Variants in SYT16 observed in about 807,000 individuals in gnomAD.
SYT16 encodes synaptotagmin 16.
A neutral mutation model predicts 61.4 loss-of-function variants in SYT16; 42 were observed. The ratio of observed to expected loss-of-function variants is 0.68; its 90% CI spans 0.53 to 0.89. SYT16 has a LOEUF of 0.89. Among genes scored for constraint, SYT16 ranks in the 40% least tolerant of loss-of-function variants. The probability of loss-of-function intolerance (pLI) is 0.00; values close to 1 mark genes in which losing one functional copy is unlikely to be tolerated. For missense variants in SYT16, 804 were observed against 807.3 expected (o/e 1.00, Z 0.05); for synonymous variants, 314 against 302.3 (o/e 1.04, Z -0.40).
chr14:62,013,896 G>A (rs1426139125), intron 3 of SYT16, among the ~76,000 whole-genome samples: 2 of 151,924 alleles, frequency 1.3e-5, no homozygotes, highest in African/African-American at 2.4e-5. Context: ...CCTGGGAGGC[G>A]GAGGTTGCCG....
intron 1 of SYT16, among the ~76,000 whole-genome samples, chr14:61,873,316 G>A (rs866556099): frequency 6.6e-6 from 1 of 152,180 alleles, no homozygotes; most frequent in African/African-American, 2.4e-5. Context: ...AGCCAATCAG[G>A]AATGAAATGG....
At chr14:61,847,824 T>G (rs957844218) in intron 1 of SYT16, among the ~76,000 whole-genome samples, 31 of 152,230 alleles carry the variant, frequency 2.0e-4, no homozygotes, top group African/African-American at 7.0e-4. Context: ...TTCTCTTGAT[T>G]AATTCTGCTG....
rs958435604 is a variant in SYT16 at position 62,107,204 on chromosome 14, T to A, written c.*6497T>A. On this transcript the variant is annotated 3_prime_UTR_variant, in exon 8 of 8. Transcript: ENST00000683842. ...ATCCCAGAACTTTGGGAGGCCGAGG[T>A]GGGAGAACAGCTTGCGTCCAGGATT... is the stretch of plus-strand genomic sequence containing the variant. 1.3e-5 allele frequency: 2 copies of A among 151,778 alleles called. No individual in the cohort carries two copies. Among genetic ancestry groups the A allele is most frequent in the Non-Finnish European group, 2.9e-5 (2 of 67,982 alleles). 9.4% of individuals were successfully genotyped at this position (151,778 alleles called of 1,614,324 possible). A position where few individuals can be genotyped will look rare whatever the true frequency, so the allele number is the denominator to read the frequency against.
intron 3 of SYT16, among the ~76,000 whole-genome samples, chr14:62,052,421 G>C (rs1479050339): frequency 6.6e-6 from 1 of 152,172 alleles, no homozygotes; most frequent in Admixed American, 6.5e-5. Flanking sequence ...AAATTAGAAT[G>C]TGGTCTAATT....
intron 3 of SYT16, among the ~76,000 whole-genome samples, chr14:62,000,759 C>T (rs943730264): frequency 2.6e-5 from 4 of 152,010 alleles, no homozygotes; most frequent in African/African-American, 9.7e-5. Flanking sequence ...TAACTTCAGT[C>T]TATCTTGAAA....
intron 1 of SYT16, among the ~76,000 whole-genome samples, chr14:61,840,517 G>A (rs1164594491): frequency 6.6e-6 from 1 of 152,204 alleles, no homozygotes; most frequent in Non-Finnish European, 1.5e-5. Flanking sequence ...GCAAAACCCA[G>A]GAAGAGGGTG....
Position 61,916,961 on chromosome 14 carries a change from A to G in SYT16, c.-324-53171A>G. Among the ~76,000 whole-genome samples the G allele has an allele frequency of 1.3e-5, 2 of 152,268 alleles. 1 individual carries two copies. Among genetic ancestry groups the G allele is most frequent in the Middle Eastern group, 6.8e-3 (2 of 294 alleles). On this transcript the variant is annotated intron_variant, in intron 1 of 7. Transcript: ENST00000683842. ...CCAAATAGTATTTTATTGTGTATAT[A>G]TGACACATTTTCTTTATCCAGTCAT...
At chr14:61,822,936 G>T (rs1254834415) in intron 1 of SYT16, among the ~76,000 whole-genome samples, 2 of 152,098 alleles carry the variant, frequency 1.3e-5, no homozygotes, top group Non-Finnish European at 2.9e-5. Context: ...AATGTGTGAG[G>T]CATTATATGG....
chr14:61,982,572 G>A (rs1055418093), intron 2 of SYT16, among the ~76,000 whole-genome samples: 16 of 152,084 alleles, frequency 1.1e-4, no homozygotes, highest in African/African-American at 2.4e-4. Context: ...CCCATAACAC[G>A]TGGGAATTAT....
intron 3 of SYT16, among the ~76,000 whole-genome samples, chr14:62,038,065 A>G (rs1402685570): frequency 6.6e-6 from 1 of 151,966 alleles, no homozygotes; most frequent in African/African-American, 2.4e-5. Context: ...TTCTTTTCCT[A>G]TCCTGCCTCC....
chr14:61,904,600 G>A (rs891731573), intron 1 of SYT16, among the ~76,000 whole-genome samples: 1 of 152,266 alleles, frequency 6.6e-6, no homozygotes, highest in Middle Eastern at 3.4e-3. Context: ...CAGATAAAGG[G>A]GAGCTACCAA....
chr14:61,938,754 T>C (rs925694153), intron 1 of SYT16, among the ~76,000 whole-genome samples: 11 of 152,180 alleles, frequency 7.2e-5, no homozygotes, highest in African/African-American at 2.7e-4. Flanking sequence ...TTTTGTTTGA[T>C]GCTAAGAAGG....
At chr14:62,013,819 G>A (rs1308783238) in intron 3 of SYT16, among the ~76,000 whole-genome samples, 2 of 152,162 alleles carry the variant, frequency 1.3e-5, no homozygotes, top group Admixed American at 6.5e-5. Context: ...AAAAAATTAG[G>A]TGGGCATAGT....
At chr14:62,100,108 G>C (rs964396673) in intron 7 of SYT16, among the ~76,000 whole-genome samples, 1 of 152,236 alleles carries the variant, frequency 6.6e-6, no homozygotes, top group African/African-American at 2.4e-5. Context: ...ACGTATGCCT[G>C]TGCACGAATG....
intron 1 of SYT16, among the ~76,000 whole-genome samples, chr14:61,907,163 T>C (rs991506292): frequency 2.0e-5 from 3 of 152,220 alleles, no homozygotes; most frequent in Non-Finnish European, 2.9e-5. Context: ...GCTTGGTTCA[T>C]GGAAACTTGA....
chr14:62,070,811 T>C (rs2056269813), intron 4 of SYT16, among the ~76,000 whole-genome samples: 1 of 152,162 alleles, frequency 6.6e-6, no homozygotes, highest in Non-Finnish European at 1.5e-5. Flanking sequence ...TTTCCTTCTT[T>C]CCTTTTGGGA....
intron 5 of SYT16, 50 bp downstream of exon 5, chr14:62,075,441 T>C: frequency 6.6e-7 from 1 of 1,510,532 alleles, no homozygotes. Context: ...CCCCTTCCCC[T>C]CTTTCCACTC....
Position 62,108,837 on chromosome 14 carries a change from G to C in SYT16, c.*8130G>C, listed in dbSNP as rs1250596908. 1 of 152,048 alleles carries C rather than the reference G, an allele frequency of 6.6e-6. No homozygotes were observed. The highest frequency in any genetic ancestry group is 1.5e-5 in the Non-Finnish European group (1 of 67,980). 9.4% of individuals were successfully genotyped at this position (152,048 alleles called of 1,614,324 possible). ...GATAGGATTTGACCTGTATTTTCAG[G>C]TTAAAGCTGGTCTTTGAGATCTACT... On this transcript the variant is annotated 3_prime_UTR_variant, in exon 8 of 8. Coordinates refer to ENST00000683842, the MANE Select transcript of SYT16 (RefSeq NM_001367656.1).
At chr14:61,873,522 C>G (rs192799989) in intron 1 of SYT16, among the ~76,000 whole-genome samples, 62 of 152,324 alleles carry the variant, frequency 4.1e-4, no homozygotes, top group African/African-American at 1.2e-3. Context: ...TGATGTTGTT[C>G]AGAATATTCA....
Sources: allele counts gnomAD v4.1 joint callset (sites outside exome capture counted in the v4.1 genomes callset), GRCh38; gene constraint gnomAD v4.1.1; transcripts MANE v1.5; gene names NCBI Gene and HGNC (gene_info 2026-07-23, HGNC 2026-07-21).